Variants in TXLNB observed in about 807,000 individuals in gnomAD.
TXLNB encodes the protein taxilin beta.
In TXLNB, 37 loss-of-function variants were observed where a neutral mutation model predicts 57.4. That is an observed-to-expected ratio of 0.64 (90% CI 0.50 to 0.85). The LOEUF is 0.85. Among genes scored for constraint, TXLNB ranks in the 40% least tolerant of loss-of-function variants. The probability of loss-of-function intolerance (pLI) is 0.00; values close to 1 mark genes in which losing one functional copy is unlikely to be tolerated. For synonymous variants in TXLNB, 302 were observed against 309.6 expected (o/e 0.98, Z 0.26); for missense variants, 848 against 825.6 (o/e 1.03, Z -0.33).
chr6:139,243,212 T>G lies in TXLNB; in HGVS notation c.1369A>C (p.Lys457Gln). The change falls in exon 10 of 10, where the codon AAA (lysine) becomes CAA (glutamine). Residue 457 changes from lysine (K) to glutamine (Q), a missense_variant. Coordinates refer to ENST00000358430, the MANE Select transcript of TXLNB (RefSeq NM_153235.4). ...LQEERNELHKKIRDAEISEKD... is the reference protein window; with the variant it reads ...LQEERNELHKQIRDAEISEKD... ...TCAGATATTTCTGCGTCTCTGATTT[T>G]TTTGTGGAGTTCGTTTCTCTCTTCT... 1 of 1,614,202 alleles carries G rather than the reference T, an allele frequency of 6.2e-7. No homozygotes were observed. The highest frequency in any genetic ancestry group is 1.1e-5 in the South Asian group (1 of 91,082).
the TXLNB span, chr6:139,180,204 G>GT: frequency 2.6e-5 from 4 of 152,246 alleles, no homozygotes; most frequent in East Asian, 1.9e-4. Flanking sequence ...TGAGTAAAAG[G>GT]TATTTTCATA....
Position 139,288,647 on chromosome 6 carries a change from C to T in TXLNB, c.253G>A (p.Ala85Thr). The T allele has an allele frequency of 6.2e-7, 1 of 1,614,168 alleles. No individual in the cohort carries two copies. Among genetic ancestry groups the T allele is most frequent in the Non-Finnish European group, 8.5e-7 (1 of 1,180,020 alleles). ...TCTGCATTCTCAGGCTGCTCACTGG[C>T]CCTGGCAGAGCCCTCTTTCCCTGCT... is the stretch of plus-strand genomic sequence containing the variant. Reference protein sequence around the residue: ...STAGKEGSARASEQPENAESP... With the variant: ...STAGKEGSARTSEQPENAESP... Residue 85 changes from alanine to threonine, a missense_variant, in exon 2 of 10, where the codon GCC (alanine) becomes ACC (threonine). Physicochemically the swap from Ala to Thr is moderately conservative, Grantham distance 58. Coordinates refer to ENST00000358430, the MANE Select transcript of TXLNB (RefSeq NM_153235.4).
the TXLNB span, among the ~76,000 whole-genome samples, chr6:139,189,902 A>AG: frequency 6.6e-6 from 1 of 152,180 alleles, no homozygotes; most frequent in Non-Finnish European, 1.5e-5. Flanking sequence ...GCTCTCCTCT[A>AG]GGGCAGGGAC....
chr6:139,272,188 T>A (rs561538501), intron 3 of TXLNB, among the ~76,000 whole-genome samples: 1 of 152,220 alleles, frequency 6.6e-6, no homozygotes, highest in African/African-American at 2.4e-5. Flanking sequence ...GCACCTGTAA[T>A]CCCAGCTACT....
At chr6:139,271,524 CAAAT>C (rs999031726) in intron 3 of TXLNB, 3 of 152,124 alleles carry the variant, frequency 2.0e-5, no homozygotes, top group African/African-American at 7.2e-5. Flanking sequence ...ATTTAAATTT[CAAAT>C]AAATAAGAAA....
intron 2 of TXLNB, among the ~76,000 whole-genome samples, chr6:139,280,959 A>T (rs1455083053): frequency 6.6e-6 from 1 of 152,252 alleles, no homozygotes; most frequent in Non-Finnish European, 1.5e-5. Flanking sequence ...GGGGATAGGA[A>T]GGAAAGTATT....
At chr6:139,280,251 T>TAAA (rs11313271) in intron 2 of TXLNB, among the ~76,000 whole-genome samples, 90 of 77,838 alleles carry the variant, frequency 1.2e-3, no homozygotes, top group East Asian at 2.4e-3. Flanking sequence ...ACTCTCTCTC[T>TAAA]AAAAAAAAAA....
the TXLNB span, among the ~76,000 whole-genome samples, chr6:139,227,823 G>A: frequency 6.6e-6 from 1 of 152,038 alleles, no homozygotes; most frequent in Non-Finnish European, 1.5e-5. Flanking sequence ...ACAAAAAACA[G>A]CCCCCTTACA....
chr6:139,250,355 TTC>T (rs1261986029), intron 7 of TXLNB, among the ~76,000 whole-genome samples: 131 of 136,936 alleles, frequency 9.6e-4, no homozygotes, highest in Middle Eastern at 7.3e-3. Context: ...CTTTCTTTCT[TTC>T]TTTTTTTTTT....
At chr6:139,317,211 T>G in the TXLNB span, among the ~76,000 whole-genome samples, 1 of 152,012 alleles carries the variant, frequency 6.6e-6, no homozygotes, top group African/African-American at 2.4e-5. Flanking sequence ...ATGTGTAGCT[T>G]CTCTGTCTTT....
At chr6:139,322,895 G>A in the TXLNB span, among the ~76,000 whole-genome samples, 2 of 152,156 alleles carry the variant, frequency 1.3e-5, no homozygotes, top group Admixed American at 1.3e-4. Context: ...TTTTCGCTGG[G>A]TTTTCCCTGC....
At chr6:139,211,681 C>T in the TXLNB span, among the ~76,000 whole-genome samples, 6 of 152,180 alleles carry the variant, frequency 3.9e-5, no homozygotes, top group South Asian at 1.2e-3. Flanking sequence ...CAAACCACTC[C>T]AAGCTAAAGG....
the TXLNB span, among the ~76,000 whole-genome samples, chr6:139,311,156 T>C: frequency 2.0e-5 from 3 of 152,230 alleles, no homozygotes; most frequent in Non-Finnish European, 2.9e-5. Flanking sequence ...GGCCAGCCTA[T>C]ACCCTCTCTG....
chr6:139,167,698 G>A, the TXLNB span, among the ~76,000 whole-genome samples: 4 of 152,202 alleles, frequency 2.6e-5, no homozygotes, highest in African/African-American at 4.8e-5. Flanking sequence ...AAACATAACA[G>A]TGAGGAAAAG....
At chr6:139,168,361 G>C in the TXLNB span, among the ~76,000 whole-genome samples, 3 of 151,032 alleles carry the variant, frequency 2.0e-5, no homozygotes, top group Middle Eastern at 6.5e-3. Context: ...TTATTATATA[G>C]TACCATATAG....
chr6:139,175,276 A>G, the TXLNB span, among the ~76,000 whole-genome samples: 3 of 152,086 alleles, frequency 2.0e-5, no homozygotes, highest in Non-Finnish European at 4.4e-5. Context: ...ATTCCTTGAT[A>G]CTCTCATGGG....
the TXLNB span, among the ~76,000 whole-genome samples, chr6:139,171,978 C>T: frequency 1.3e-3 from 195 of 152,046 alleles, no homozygotes; most frequent in African/African-American, 4.4e-3. Flanking sequence ...CTACAGGCGC[C>T]GCCACCACGC....
the TXLNB span, among the ~76,000 whole-genome samples, chr6:139,319,252 C>A: frequency 6.6e-6 from 1 of 151,056 alleles, no homozygotes; most frequent in Non-Finnish European, 1.5e-5. Context: ...ATGTCTTTCT[C>A]CCTTTAAAAT....
the TXLNB span, among the ~76,000 whole-genome samples, chr6:139,189,588 G>C: frequency 6.6e-6 from 1 of 152,110 alleles, no homozygotes; most frequent in East Asian, 1.9e-4. Flanking sequence ...GAAATAAATG[G>C]AGTTCTCAAC....
Sources: gnomAD v4.1 joint callset for allele counts (sites outside exome capture counted in the v4.1 genomes callset) on GRCh38, gnomAD v4.1.1 for gene constraint, MANE v1.5 for transcripts, NCBI Gene and HGNC (gene_info 2026-07-23, HGNC 2026-07-21) for gene names.